Variants in TGFB2 observed in about 807,000 individuals in gnomAD.
TGFB2 encodes the protein transforming growth factor beta 2.
A neutral mutation model predicts 42.7 loss-of-function variants in TGFB2; 13 were observed. The ratio of observed to expected loss-of-function variants is 0.30; its 90% CI spans 0.20 to 0.48. The LOEUF is 0.48. Ranked by LOEUF, TGFB2 falls within the 20% of genes least tolerant of loss-of-function variation. TGFB2 has a pLI of 0.99. For missense variants in TGFB2, 390 were observed against 517.5 expected (o/e 0.75, Z 2.39); for synonymous variants, 193 against 193.6 (o/e 1.00, Z 0.03).
intron 1 of TGFB2, among the ~76,000 whole-genome samples, chr1:218,393,460 C>T (rs768290796): frequency 7.2e-5 from 11 of 152,298 alleles, no homozygotes; most frequent in Non-Finnish European, 1.6e-4. Flanking sequence ...TCAACACAGG[C>T]CGGCTTCCTT....
At chr1:218,425,002 A>G (rs1382821438) in intron 2 of TGFB2, among the ~76,000 whole-genome samples, 2 of 152,168 alleles carry the variant, frequency 1.3e-5, no homozygotes, top group African/African-American at 4.8e-5. Flanking sequence ...CCTTAAAGGG[A>G]TCAGTTGAGG....
chr1:218,395,437 G>T (rs1343552496), intron 1 of TGFB2, among the ~76,000 whole-genome samples: 1 of 152,142 alleles, frequency 6.6e-6, no homozygotes, highest in Non-Finnish European at 1.5e-5. Context: ...ACGCTCCATT[G>T]CATGTGTTGG....
intron 2 of TGFB2, among the ~76,000 whole-genome samples, chr1:218,433,162 G>A (rs12037898): frequency 5.3e-5 from 8 of 152,124 alleles, no homozygotes; most frequent in African/African-American, 1.9e-4. Context: ...TCCGTCTCCC[G>A]GGTTCGGGTG....
At chr1:218,353,339 C>A (rs1407792053) in intron 1 of TGFB2, among the ~76,000 whole-genome samples, 1 of 152,168 alleles carries the variant, frequency 6.6e-6, no homozygotes, top group African/African-American at 2.4e-5. Context: ...AAACAGAGAA[C>A]ATAGGGTTGG....
At chr1:218,437,970 T>A (rs1660024932) in intron 6 of TGFB2, among the ~76,000 whole-genome samples, 1 of 152,228 alleles carries the variant, frequency 6.6e-6, no homozygotes, top group Admixed American at 6.5e-5. Context: ...ATTTATCATT[T>A]CCTCATTTGG....
intron 1 of TGFB2, among the ~76,000 whole-genome samples, chr1:218,348,938 C>T (rs1440875771): frequency 6.6e-6 from 1 of 152,288 alleles, no homozygotes; most frequent in Non-Finnish European, 1.5e-5. Context: ...CCCAAGAGGG[C>T]ATTAGTTCTT....
chr1:218,392,552 T>C (rs964682585), intron 1 of TGFB2, among the ~76,000 whole-genome samples: 10 of 152,342 alleles, frequency 6.6e-5, no homozygotes, highest in Non-Finnish European at 4.4e-5. Flanking sequence ...GGGCCACCTG[T>C]CTGGGTTCTA....
intron 1 of TGFB2, among the ~76,000 whole-genome samples, chr1:218,369,976 T>A (rs979477251): frequency 6.6e-6 from 1 of 152,240 alleles, no homozygotes; most frequent in Non-Finnish European, 1.5e-5. Context: ...CACGGGGATG[T>A]TGGTGTTATT....
chr1:218,347,851 CTG>C (rs1656740654), intron 1 of TGFB2, among the ~76,000 whole-genome samples: 1 of 151,968 alleles, frequency 6.6e-6, no homozygotes, highest in South Asian at 2.1e-4. Flanking sequence ...TCTTACGGGT[CTG>C]TTATCCTGCT....
chr1:218,376,748 C>A (rs1385522819), intron 1 of TGFB2, among the ~76,000 whole-genome samples: 1 of 152,174 alleles, frequency 6.6e-6, no homozygotes, highest in Non-Finnish European at 1.5e-5. Flanking sequence ...ACTATATTAT[C>A]CCTGCCCTCA....
chr1:218,390,872 T>A (rs927895742), intron 1 of TGFB2, among the ~76,000 whole-genome samples: 1 of 152,164 alleles, frequency 6.6e-6, no homozygotes, highest in Non-Finnish European at 1.5e-5. Context: ...ACAAACAGGA[T>A]GAGGGAAGAG....
intron 1 of TGFB2, among the ~76,000 whole-genome samples, chr1:218,377,913 T>G (rs1234126475): frequency 6.6e-6 from 1 of 152,160 alleles, no homozygotes; most frequent in African/African-American, 2.4e-5. Flanking sequence ...AGGCTTCCCA[T>G]TTGCCACCAC....
At chr1:218,401,427 T>A (rs1304742883) in intron 1 of TGFB2, among the ~76,000 whole-genome samples, 1 of 152,152 alleles carries the variant, frequency 6.6e-6, no homozygotes, top group East Asian at 1.9e-4. Context: ...ACTGGAATCT[T>A]CTATGTGCAA....
chr1:218,431,109 G>A (rs1270312016), intron 2 of TGFB2, among the ~76,000 whole-genome samples: 1 of 152,216 alleles, frequency 6.6e-6, no homozygotes, highest in Non-Finnish European at 1.5e-5. Context: ...TACTGTGTTT[G>A]AGAATTATGT....
chr1:218,430,564 T>C (rs1176212130), intron 2 of TGFB2, among the ~76,000 whole-genome samples: 1 of 152,172 alleles, frequency 6.6e-6, no homozygotes, highest in Non-Finnish European at 1.5e-5. Context: ...ACTGATCTGG[T>C]CACTTCCTGT....
At position 218,442,768 on chromosome 1, in the gene TGFB2, G is replaced by A. The variant is rs373191185; in HGVS notation, c.*1406G>A. The A allele has an allele frequency of 5.3e-5, 8 of 151,892 alleles. No individual in the cohort carries two copies. Among genetic ancestry groups the A allele is most frequent in the African/African-American group, 1.9e-4 (8 of 41,448 alleles). The allele number at this position is 151,892 out of a possible 1,614,324, so 9.4% of individuals were successfully genotyped here. ...AAGTCAGACGTTAACAAATTTTTAT[G>A]TTAGGAAAAGGAGGAATGTTATAGA... On this transcript the variant is annotated 3_prime_UTR_variant, in exon 7 of 7. Coordinates refer to ENST00000366930, the MANE Select transcript of TGFB2 (RefSeq NM_003238.6).
chr1:218,387,049 G>T (rs1206430654), intron 1 of TGFB2, among the ~76,000 whole-genome samples: 1 of 152,164 alleles, frequency 6.6e-6, no homozygotes, highest in East Asian at 1.9e-4. Context: ...TTGTGCTCTG[G>T]AAGAGCCAGA....
At chr1:218,356,686 G>A (rs1021911707) in intron 1 of TGFB2, among the ~76,000 whole-genome samples, 1 of 152,146 alleles carries the variant, frequency 6.6e-6, no homozygotes, top group Admixed American at 6.5e-5. Context: ...ATGTGCTTCT[G>A]GGGCTGGTTT....
chr1:218,393,061 A>G (rs1658369853), intron 1 of TGFB2, among the ~76,000 whole-genome samples: 2 of 152,258 alleles, frequency 1.3e-5, no homozygotes, highest in South Asian at 4.1e-4. Context: ...CATTACATGC[A>G]TCACTGCTAT....
Sources: gnomAD v4.1 joint callset for allele counts (sites outside exome capture counted in the v4.1 genomes callset) on GRCh38, gnomAD v4.1.1 for gene constraint, MANE v1.5 for transcripts, NCBI Gene and HGNC (gene_info 2026-07-23, HGNC 2026-07-21) for gene names.